The following TNRC6C variants were observed in gnomAD, a reference collection of about 807,000 sequenced individuals.
The protein encoded by TNRC6C is trinucleotide repeat-containing gene 6C protein.
A neutral mutation model predicts 153.7 loss-of-function variants in TNRC6C; 20 were observed. The observed-to-expected ratio is 0.13, with a 90% CI of 0.09 to 0.19. TNRC6C has a LOEUF of 0.19. Ranked by LOEUF, TNRC6C falls within the 10% of genes least tolerant of loss-of-function variation. The pLI is 1.00. For missense variants in TNRC6C, 1,987 were observed against 2,172.0 expected (o/e 0.91, Z 1.69); for synonymous variants, 811 against 841.4 (o/e 0.96, Z 0.63).
intron 2 of TNRC6C, among the ~76,000 whole-genome samples, chr17:78,032,331 C>G (rs1215348604): frequency 2.6e-5 from 4 of 152,338 alleles, no homozygotes; most frequent in Admixed American, 6.5e-5. Flanking sequence ...CTTCTTGTTG[C>G]TTCCTTGCCT....
chr17:78,043,456 A>G (rs1050601341), intron 2 of TNRC6C, among the ~76,000 whole-genome samples: 5 of 152,196 alleles, frequency 3.3e-5, no homozygotes, highest in African/African-American at 1.2e-4. Flanking sequence ...GGGTACATAG[A>G]AGGTATATAT....
chr17:78,101,934 G>C (rs2073603457), intron 17 of TNRC6C, among the ~76,000 whole-genome samples: 1 of 152,050 alleles, frequency 6.6e-6, no homozygotes, highest in Non-Finnish European at 1.5e-5. Flanking sequence ...GCCAGTTTTG[G>C]GGCCAGTTTA....
At chr17:78,088,853 A>AGC (rs2073344183) in intron 13 of TNRC6C, among the ~76,000 whole-genome samples, 1 of 152,090 alleles carries the variant, frequency 6.6e-6, no homozygotes, top group Non-Finnish European at 1.5e-5. Flanking sequence ...CTGTTTTAGA[A>AGC]ACAAATTTCA....
At chr17:78,106,971 A>G (rs2073708823) in exon 20 of TNRC6C, 1 of 152,170 alleles carries the variant, frequency 6.6e-6, no homozygotes, top group South Asian at 2.1e-4. Flanking sequence ...AACTGGGTTC[A>G]AGACTTTTTT....
At chr17:78,085,512 C>T (rs1321448127) in intron 11 of TNRC6C, among the ~76,000 whole-genome samples, 2 of 152,012 alleles carry the variant, frequency 1.3e-5, no homozygotes, top group Non-Finnish European at 2.9e-5. Flanking sequence ...CCAAAAATGT[C>T]CCTAAAATTC....
Position 78,075,060 on chromosome 17 carries a change from C to A in TNRC6C, c.2918-76C>A. 6.5e-6 allele frequency: 10 copies of A among 1,548,446 alleles called. No individual in the cohort carries two copies. The highest frequency in any genetic ancestry group is 8.8e-6 in the Non-Finnish European group (10 of 1,140,344). On this transcript the variant is annotated intron_variant, in intron 7 of 19. Transcript: ENST00000301624. This position sits in a 1 kb window ranked among gnomAD's most constrained non-coding sequence, Gnocchi z 4.2. ...GGAGGGTCTCCATCCCTCCTTGAGGCCTTAGCTGGTGCCTATCTTGTGCTC... is the reference window on the plus strand; with the variant it reads ...GGAGGGTCTCCATCCCTCCTTGAGGACTTAGCTGGTGCCTATCTTGTGCTC...
chr17:78,098,509 C>T (rs1381890273), exon 17 of TNRC6C: 1 of 1,613,636 alleles, frequency 6.2e-7, no homozygotes. Context: ...GTGCCAGCCC[C>T]CTCGGCTGGA....
chr17:78,009,363 T>G (rs966692067), intron 1 of TNRC6C, among the ~76,000 whole-genome samples: 7 of 152,006 alleles, frequency 4.6e-5, no homozygotes, highest in African/African-American at 1.5e-4. Flanking sequence ...ATGGATTGAG[T>G]GAGGGTTTTT....
intron 16 of TNRC6C, among the ~76,000 whole-genome samples, chr17:78,094,530 G>T (rs1039162909): frequency 6.7e-6 from 1 of 150,126 alleles, no homozygotes; most frequent in African/African-American, 2.5e-5. Context: ...CCTCCGCCTC[G>T]CAGGCTCAAG....
At chr17:78,071,199 T>C (rs899130045) in intron 6 of TNRC6C, 34 bp downstream of exon 8, 2 of 1,568,108 alleles carry the variant, frequency 1.3e-6, no homozygotes, top group Non-Finnish European at 8.7e-7. Context: ...CTACCCACCA[T>C]GCTTCCCAAA....
chr17:78,038,515 A>T (rs2072225864), intron 2 of TNRC6C, among the ~76,000 whole-genome samples: 1 of 151,668 alleles, frequency 6.6e-6, no homozygotes, highest in Non-Finnish European at 1.5e-5. Context: ...CTACTAAAAA[A>T]AAAAATACAA....
intron 1 of TNRC6C, among the ~76,000 whole-genome samples, chr17:77,980,735 C>T (rs1028727065): frequency 2.0e-5 from 3 of 152,198 alleles, no homozygotes; most frequent in Admixed American, 6.5e-5. Context: ...CCCACCACCC[C>T]TCTTTGGGTT....
intron 2 of TNRC6C, among the ~76,000 whole-genome samples, chr17:78,033,591 C>T (rs1296722600): frequency 1.3e-5 from 2 of 151,968 alleles, no homozygotes; most frequent in African/African-American, 2.4e-5. Context: ...ATCGCTTGAA[C>T]CTGGGACGTG....
intron 1 of TNRC6C, among the ~76,000 whole-genome samples, chr17:78,022,191 G>C (rs141868560): frequency 1.0e-3 from 157 of 152,302 alleles, no homozygotes; most frequent in Middle Eastern, 6.8e-3. Flanking sequence ...TCACCTGCCA[G>C]TCCTGCCCTA....
intron 2 of TNRC6C, among the ~76,000 whole-genome samples, chr17:78,047,768 G>A (rs1296718030): frequency 2.0e-5 from 3 of 152,160 alleles, no homozygotes; most frequent in East Asian, 3.8e-4. Flanking sequence ...AATCACATAT[G>A]TGAGTTTGTT....
At chr17:77,973,281 T>G (rs1481252230) in intron 1 of TNRC6C, among the ~76,000 whole-genome samples, 1 of 151,902 alleles carries the variant, frequency 6.6e-6, no homozygotes, top group African/African-American at 2.4e-5. Flanking sequence ...TTTGACAAAA[T>G]CTAACATTCT....
upstream of TNRC6C, among the ~76,000 whole-genome samples, chr17:77,958,391 C>A (rs1172312726): frequency 6.6e-6 from 1 of 152,026 alleles, no homozygotes; most frequent in African/African-American, 2.4e-5. Flanking sequence ...GGCGCGCGTC[C>A]CGGCCACTCG....
exon 3 of TNRC6C, chr17:78,051,438 G>C (rs1051365631): frequency 6.7e-7 from 1 of 1,484,932 alleles, no homozygotes; most frequent in African/African-American, 1.4e-5. Flanking sequence ...GATCACCGTT[G>C]CTTGGTCCAG....
chr17:77,966,836 G>C (rs1284169088), intron 1 of TNRC6C, among the ~76,000 whole-genome samples: 1 of 152,148 alleles, frequency 6.6e-6, no homozygotes, highest in African/African-American at 2.4e-5. Flanking sequence ...ACAGTCCCAG[G>C]TATATAGTAA....
Sources: allele counts gnomAD v4.1 joint callset (sites outside exome capture counted in the v4.1 genomes callset), GRCh38; gene constraint gnomAD v4.1.1; non-coding constraint Gnocchi (gnomAD v3.1); transcripts MANE v1.5; gene names NCBI Gene and HGNC (gene_info 2026-07-23, HGNC 2026-07-21).